Variants in CAMKMT observed in about 807,000 individuals in gnomAD.
The protein encoded by CAMKMT is calmodulin-lysine N-methyltransferase.
CAMKMT carries 53 observed loss-of-function variants against 48.0 expected under a neutral mutation model. That is an observed-to-expected ratio of 1.10 (90% CI 0.89 to 1.39). The LOEUF is 1.39. CAMKMT is among the 40% of genes most tolerant of loss of function. CAMKMT has a pLI of 0.00. For synonymous variants in CAMKMT, 165 were observed against 152.3 expected, an observed-to-expected ratio of 1.08 and a Z score of -0.61; for missense variants, 428 against 402.7, an observed-to-expected ratio of 1.06 and a Z score of -0.54.
intron 2 of CAMKMT, among the ~76,000 whole-genome samples, chr2:44,387,200 G>A (rs1350661473): frequency 6.6e-6 from 1 of 152,166 alleles, no homozygotes; most frequent in Non-Finnish European, 1.5e-5. Context: ...GAGCTCCAGT[G>A]TTAGGTACAT....
At chr2:44,767,997 C>T (rs1680919522) in intron 10 of CAMKMT, among the ~76,000 whole-genome samples, 1 of 152,156 alleles carries the variant, frequency 6.6e-6, no homozygotes, top group African/African-American at 2.4e-5. Context: ...TGCCTGATAC[C>T]CTCCGTCTCC....
rs1183340213 is a variant in CAMKMT at position 44,743,607 on chromosome 2, CT to C, written c.624-10del. 6.3e-7 allele frequency: 1 copy of C among 1,590,672 alleles called. No individual in the cohort carries two copies. Among genetic ancestry groups the C allele is most frequent in the African/African-American group, 1.4e-5 (1 of 73,758 alleles). On this transcript the variant is annotated splice_polypyrimidine_tract_variant and intron_variant, in intron 7 of 10. Transcript: ENST00000378494. ...AAACCCTATGTATAATTTTTAAAATCTTTTTCTCCTCAAGCGTTTTACGATG... is the reference window on the plus strand; with the variant it reads ...AAACCCTATGTATAATTTTTAAAATCTTTTCTCCTCAAGCGTTTTACGATG...
intron 3 of CAMKMT, among the ~76,000 whole-genome samples, chr2:44,634,827 C>T (rs1046347819): frequency 7.0e-6 from 1 of 141,858 alleles, no homozygotes; most frequent in Non-Finnish European, 1.5e-5. Flanking sequence ...TCTAGTCAGA[C>T]AGAGCAATAA....
At chr2:44,629,433 CTTT>C (rs897761983) in intron 3 of CAMKMT, among the ~76,000 whole-genome samples, 4 of 125,324 alleles carry the variant, frequency 3.2e-5, no homozygotes, top group Admixed American at 8.1e-5. Flanking sequence ...TTCTTTCTTT[CTTT>C]TTTTTTTTTT....
chr2:44,512,190 A>G (rs1206658217), intron 3 of CAMKMT, among the ~76,000 whole-genome samples: 1 of 152,212 alleles, frequency 6.6e-6, no homozygotes, highest in East Asian at 1.9e-4. Flanking sequence ...GACCATGTCT[A>G]TGTAATTTTG....
chr2:44,362,291 C>G, intron 1 of CAMKMT, 146 bp downstream of exon 1: 1 of 667,468 alleles, frequency 1.5e-6, no homozygotes, highest in Non-Finnish European at 2.3e-6. Context: ...AGCTCCCCCT[C>G]GCTTCACCTA....
chr2:44,681,352 G>A (rs573813258), intron 3 of CAMKMT, among the ~76,000 whole-genome samples: 25 of 152,090 alleles, frequency 1.6e-4, no homozygotes, highest in Non-Finnish European at 3.1e-4. Flanking sequence ...GATTTTAGTC[G>A]CAGCTGATCC....
chr2:44,473,681 G>C (rs752545453), intron 3 of CAMKMT, among the ~76,000 whole-genome samples: 58 of 152,210 alleles, frequency 3.8e-4, no homozygotes, highest in Middle Eastern at 3.4e-3. Flanking sequence ...TCTCTCCTTG[G>C]GGAAGTTACA....
intron 3 of CAMKMT, among the ~76,000 whole-genome samples, chr2:44,566,498 G>A (rs773381282): frequency 1.9e-4 from 29 of 152,110 alleles, no homozygotes; most frequent in Admixed American, 2.6e-4. Flanking sequence ...CTGCTGGGTC[G>A]TATGTGAACT....
intron 3 of CAMKMT, among the ~76,000 whole-genome samples, chr2:44,485,885 A>G (rs775208406): frequency 1.4e-4 from 22 of 152,214 alleles, no homozygotes; most frequent in African/African-American, 3.1e-4. Context: ...GAAGAGAGAA[A>G]GGGAACAAGG....
At chr2:44,456,653 T>G (rs1157492561) in intron 3 of CAMKMT, 2 of 1,537,894 alleles carry the variant, frequency 1.3e-6, no homozygotes, top group African/African-American at 2.8e-5. Context: ...CCTGGGGAGA[T>G]GGGACTTATA....
chr2:44,642,691 C>T (rs1467060638), intron 3 of CAMKMT, among the ~76,000 whole-genome samples: 1 of 151,986 alleles, frequency 6.6e-6, no homozygotes, highest in African/African-American at 2.4e-5. Flanking sequence ...GCCTGGTGAA[C>T]ATGTCTAAAC....
intron 3 of CAMKMT, among the ~76,000 whole-genome samples, chr2:44,583,763 C>T (rs558284298): frequency 6.5e-4 from 99 of 151,768 alleles, no homozygotes; most frequent in African/African-American, 2.1e-3. Context: ...GCCACAGCAC[C>T]GCATCCTGGG....
intron 3 of CAMKMT, among the ~76,000 whole-genome samples, chr2:44,459,547 T>C (rs1244305111): frequency 2.7e-4 from 41 of 152,244 alleles, no homozygotes; most frequent in Middle Eastern, 3.2e-3. Flanking sequence ...TTATGAAATT[T>C]ATTTTTATAA....
chr2:44,412,836 G>T (rs1683301774), intron 3 of CAMKMT, among the ~76,000 whole-genome samples: 1 of 151,954 alleles, frequency 6.6e-6, no homozygotes, highest in Non-Finnish European at 1.5e-5. Flanking sequence ...AGCACTTTGG[G>T]AGGCGGAGGT....
intron 3 of CAMKMT, among the ~76,000 whole-genome samples, chr2:44,394,279 A>G (rs971222997): frequency 1.3e-5 from 2 of 151,646 alleles, no homozygotes; most frequent in African/African-American, 4.8e-5. Context: ...TTTGAAAAAA[A>G]TTTTTTTTCT....
rs114341785 is a variant in CAMKMT, at chr2:44,551,107, T to G, written c.377-153176T>G. On this transcript the variant is annotated intron_variant, in intron 3 of 10. Transcript: ENST00000378494. ...TGGTGTTCTAGGGTTCAGGGTAGAGTACGTGGCAGTAATGTAGTCACAAGA... is the reference window on the plus strand; with the variant it reads ...TGGTGTTCTAGGGTTCAGGGTAGAGGACGTGGCAGTAATGTAGTCACAAGA... Among the ~76,000 whole-genome samples the G allele has an allele frequency of 2.7e-3, 367 of 137,916 alleles. 1 individual carries two copies. Among genetic ancestry groups the G allele is most frequent in the African/African-American group, 8.9e-3 (355 of 40,016 alleles). 90.5% of individuals were successfully genotyped at this position (137,916 alleles called of 152,430 possible). A position where few individuals can be genotyped will look rare whatever the true frequency, so the allele number is the denominator to read the frequency against.
chr2:44,692,199 C>A (rs562631466), intron 3 of CAMKMT, among the ~76,000 whole-genome samples: 1 of 152,154 alleles, frequency 6.6e-6, no homozygotes, highest in Non-Finnish European at 1.5e-5. Context: ...TGATAAAATT[C>A]CCTGAATAGA....
intron 3 of CAMKMT, among the ~76,000 whole-genome samples, chr2:44,427,875 C>T (rs1242673493): frequency 6.6e-6 from 1 of 152,116 alleles, no homozygotes; most frequent in Non-Finnish European, 1.5e-5. Flanking sequence ...AGGGTTGGCT[C>T]GTTTGCTCAG....
Sources: allele counts gnomAD v4.1 joint callset (sites outside exome capture counted in the v4.1 genomes callset), GRCh38; gene constraint gnomAD v4.1.1; transcripts MANE v1.5; gene names NCBI Gene and HGNC (gene_info 2026-07-23, HGNC 2026-07-21).